The following RAPGEF1 variants were observed in gnomAD, a reference collection of about 807,000 sequenced individuals.
RAPGEF1 encodes Rap guanine nucleotide exchange factor 1.
Under a neutral mutation model 143.3 loss-of-function variants are expected in RAPGEF1, and 33 were observed. The ratio of observed to expected loss-of-function variants is 0.23; its 90% CI spans 0.17 to 0.31. RAPGEF1 has a LOEUF of 0.31. Ranked by LOEUF, RAPGEF1 falls within the 10% of genes least tolerant of loss-of-function variation. The pLI, the probability that RAPGEF1 is intolerant of heterozygous loss-of-function variation, is 1.00. For synonymous variants in RAPGEF1, 629 were observed against 676.5 expected, an observed-to-expected ratio of 0.93 and a Z score of 1.09; for missense variants, 1,199 against 1,645.4, an observed-to-expected ratio of 0.73 and a Z score of 4.69.
At chr9:131,683,184 T>G (rs769140199) in intron 1 of RAPGEF1, among the ~76,000 whole-genome samples, 3 of 152,214 alleles carry the variant, frequency 2.0e-5, no homozygotes, top group Non-Finnish European at 4.4e-5. Flanking sequence ...AAAAACAAAG[T>G]TCCGCCAAAG....
rs1286104847 is a variant in RAPGEF1, at chr9:131,583,375, C to T, written c.3415-673G>A. On this transcript the variant is annotated intron_variant, in intron 24 of 26. Coordinates refer to ENST00000683357, the MANE Select transcript of RAPGEF1 (RefSeq NM_001377935.1). This position sits in a 1 kb window ranked among gnomAD's most constrained non-coding sequence, Gnocchi z 4.7. ...GCTTACAACCATCCCTGAACATGGG[C>T]TTGAACAAGAAGACCCTGGGTGGCC... Among the ~76,000 whole-genome samples, 1 of 152,162 alleles carries T rather than the reference C, an allele frequency of 6.6e-6. No homozygotes were observed. The highest frequency in any genetic ancestry group is 1.5e-5 in the Non-Finnish European group (1 of 68,022).
At chr9:131,682,932 A>G (rs75938732) in intron 1 of RAPGEF1, among the ~76,000 whole-genome samples, 2 of 152,178 alleles carry the variant, frequency 1.3e-5, no homozygotes, top group Non-Finnish European at 2.9e-5. Context: ...AAATATATCA[A>G]AGTAGTTATA....
intron 14 of RAPGEF1, among the ~76,000 whole-genome samples, chr9:131,602,880 A>T (rs1374855408): frequency 6.6e-6 from 1 of 152,236 alleles, no homozygotes; most frequent in Non-Finnish European, 1.5e-5. Context: ...GAACTGGGGC[A>T]GGACAAATAC....
chr9:131,613,184 A>G (rs1958314270), intron 12 of RAPGEF1, among the ~76,000 whole-genome samples: 1 of 152,220 alleles, frequency 6.6e-6, no homozygotes, highest in Non-Finnish European at 1.5e-5. Context: ...CACAGAGGAA[A>G]GCGGGGCCCA....
In RAPGEF1 at chr9:131,619,119, C is replaced by A. The variant is rs768743655; in HGVS notation, c.1993G>T (p.Ala665Ser). ...GAGACGGACACACTGAGGCCCTGAGCGGCACTGCCGTCCTCGGGGGTGAAG... is the reference window on the plus strand; with the variant it reads ...GAGACGGACACACTGAGGCCCTGAGAGGCACTGCCGTCCTCGGGGGTGAAG... ...VAFTPEDGSA[A>S]QGLSVSVSNS... The change falls in exon 12 of 27, where the codon GCT becomes TCT. Residue 665 changes from alanine to serine, a missense_variant. Physicochemically the swap from Ala to Ser is moderately conservative, Grantham distance 99. This residue lies in a region of RAPGEF1 where 293 missense variants were observed against 356.2 expected (regional missense o/e 0.82). Transcript: ENST00000683357. 1.5e-6 allele frequency: 2 copies of A among 1,345,226 alleles called. No homozygotes were observed. The highest frequency in any genetic ancestry group is 2.4e-5 in the South Asian group (2 of 84,314). The allele number at this position is 1,345,226 out of a possible 1,614,324, so 83.3% of individuals were successfully genotyped here. A position where few individuals can be genotyped will look rare whatever the true frequency, so the allele number is the denominator to read the frequency against.
intron 15 of RAPGEF1, among the ~76,000 whole-genome samples, chr9:131,601,565 C>T (rs1308706478): frequency 2.0e-5 from 3 of 152,164 alleles, no homozygotes; most frequent in South Asian, 2.1e-4. Context: ...GTTTTCTATG[C>T]TTTTCAACAG....
At position 131,579,652 on chromosome 9, in the gene RAPGEF1, T is replaced by C. The variant is rs1951547820; in HGVS notation, c.3642-5A>G. 1 of 1,613,336 alleles carries C rather than the reference T, an allele frequency of 6.2e-7. No individual in the cohort carries two copies. On this transcript the variant is annotated splice_polypyrimidine_tract_variant and splice_region_variant and intron_variant, in intron 26 of 26. Transcript: ENST00000683357. ...TTCCTCCGCATGTCATAGTGCCTGG[T>C]GCAGGGGATGGGGAGCAGTCAGTGA...
At chr9:131,736,817 T>G (rs1391905722) in intron 1 of RAPGEF1, among the ~76,000 whole-genome samples, 1 of 152,142 alleles carries the variant, frequency 6.6e-6, no homozygotes, top group Non-Finnish European at 1.5e-5. Flanking sequence ...TGCTTTGAGA[T>G]AACAAAACAG....
At chr9:131,611,703 T>A (rs1300643001) in intron 12 of RAPGEF1, among the ~76,000 whole-genome samples, 1 of 152,214 alleles carries the variant, frequency 6.6e-6, no homozygotes, top group Non-Finnish European at 1.5e-5. Context: ...TGACAGGGGC[T>A]CTAATTTATA....
intron 12 of RAPGEF1, among the ~76,000 whole-genome samples, chr9:131,610,166 G>T (rs1306554868): frequency 6.6e-6 from 1 of 152,226 alleles, no homozygotes; most frequent in Non-Finnish European, 1.5e-5. Flanking sequence ...AAAGTGCTGT[G>T]ATTATAGGCG....
intron 25 of RAPGEF1, 101 bp from the exon 26 acceptor site, chr9:131,580,492 C>T (rs1951700050): frequency 2.2e-6 from 3 of 1,378,070 alleles, no homozygotes; most frequent in South Asian, 1.4e-5. Context: ...GAGCAGCTTC[C>T]AAACCCCAGA....
intron 12 of RAPGEF1, among the ~76,000 whole-genome samples, chr9:131,618,042 T>C (rs1385482100): frequency 6.6e-6 from 1 of 152,210 alleles, no homozygotes; most frequent in South Asian, 2.1e-4. Flanking sequence ...CCTGGACCCA[T>C]GCCCCGTGCA....
rs571904348 is a variant in RAPGEF1, at chr9:131,659,971, A to G, written c.62-9022T>C. Among the ~76,000 whole-genome samples the G allele has an allele frequency of 1.4e-4, 21 of 152,184 alleles. 1 individual carries two copies. In the South Asian group the frequency reaches 4.4e-3, roughly 32 times the overall value. On this transcript the variant is annotated intron_variant, in intron 1 of 26. Coordinates refer to ENST00000683357, the MANE Select transcript of RAPGEF1 (RefSeq NM_001377935.1). The stretch of plus-strand genomic sequence containing the variant: ...GTAGCTGGAACTACAGGCGCCCGCC[A>G]CCACGCCCGGCTAATTTTTTGTATT...
chr9:131,678,264 T>C (rs1264596735), intron 1 of RAPGEF1, among the ~76,000 whole-genome samples: 1 of 152,146 alleles, frequency 6.6e-6, no homozygotes, highest in Non-Finnish European at 1.5e-5. Context: ...AAAAGGTAAA[T>C]AAGATAGGTT....
At chr9:131,632,711 G>A (rs1965266025) in intron 5 of RAPGEF1, among the ~76,000 whole-genome samples, 1 of 152,208 alleles carries the variant, frequency 6.6e-6, no homozygotes, top group African/African-American at 2.4e-5. Context: ...GTAATACACT[G>A]AGTGGAAAAA....
chr9:131,602,825 A>G (rs1308744095), intron 14 of RAPGEF1, among the ~76,000 whole-genome samples: 1 of 152,156 alleles, frequency 6.6e-6, no homozygotes, highest in Non-Finnish European at 1.5e-5. Flanking sequence ...ACTCAGTGAC[A>G]ACATGGCCCG....
In RAPGEF1 at chr9:131,739,752, C is replaced by T. The variant is rs1418855883; in HGVS notation, c.61+18G>A. On this transcript the variant is annotated intron_variant, in intron 1 of 26. Coordinates refer to ENST00000683357, the MANE Select transcript of RAPGEF1 (RefSeq NM_001377935.1). The stretch of plus-strand genomic sequence containing the variant: ...GCCGGGCCCGGCCGGAGGGAGCCGC[C>T]CCACGCCCGCGCCTCACCTGCTTTC... 1.7e-6 allele frequency: 2 copies of T among 1,146,186 alleles called. No homozygotes were observed. Among genetic ancestry groups the T allele is most frequent in the African/African-American group, 1.7e-5 (1 of 59,764 alleles). 71.0% of individuals were successfully genotyped at this position (1,146,186 alleles called of 1,614,324 possible).
At chr9:131,733,373 G>A (rs1458429516) in intron 1 of RAPGEF1, among the ~76,000 whole-genome samples, 2 of 131,052 alleles carry the variant, frequency 1.5e-5, no homozygotes, top group Non-Finnish European at 3.3e-5. Context: ...GGCGGGGGGG[G>A]GGGTGGTGCG....
intron 17 of RAPGEF1, 30 bp from the exon 18 acceptor site, chr9:131,592,213 G>C (rs1564469974): frequency 6.4e-7 from 1 of 1,550,698 alleles, no homozygotes; most frequent in Non-Finnish European, 8.9e-7. Context: ...CAAACTGCTT[G>C]TCTGGGTGCA....
Sources: allele counts gnomAD v4.1 joint callset (sites outside exome capture counted in the v4.1 genomes callset), GRCh38; gene constraint gnomAD v4.1.1; regional missense constraint gnomAD v4.1.1; non-coding constraint Gnocchi (gnomAD v3.1); transcripts MANE v1.5; gene names NCBI Gene and HGNC (gene_info 2026-07-23, HGNC 2026-07-21).